ANAPC1: variants seen among roughly 807,000 people sequenced by gnomAD.
ANAPC1 encodes anaphase-promoting complex subunit 1.
Under a neutral mutation model 208.0 loss-of-function variants are expected in ANAPC1, and 36 were observed. That is an observed-to-expected ratio of 0.17 (90% CI 0.13 to 0.23). The LOEUF (loss-of-function observed/expected upper bound fraction) is 0.23. ANAPC1 is among the 10% of genes least tolerant of loss of function. The pLI, the probability that ANAPC1 is intolerant of heterozygous loss-of-function variation, is 1.00. For synonymous variants in ANAPC1, 378 were observed against 695.2 expected (o/e 0.54, Z 7.18); for missense variants, 942 against 2,011.6 (o/e 0.47, Z 10.17).
chr2:111,879,521 T>C (rs1446205389), intron 2 of ANAPC1, among the ~76,000 whole-genome samples: 1 of 152,210 alleles, frequency 6.6e-6, no homozygotes, highest in East Asian at 1.9e-4. Context: ...GACAATGGAA[T>C]AAGGCAGGAG....
rs1355444037 is a variant in ANAPC1 at position 111,829,700 on chromosome 2, A to C, written c.2625+1586T>G. Among the ~76,000 whole-genome samples the C allele has an allele frequency of 2.7e-5, 4 of 148,818 alleles. No homozygotes were observed. The South Asian group carries it at 8.6e-4, about 32-fold the overall frequency. Reference sequence around the variant, plus strand: ...CAGCTAGAGGTAAACAAAAAATAATAAAAATAAATAAAGAAGTGTTTCTTG... The same window carrying C: ...CAGCTAGAGGTAAACAAAAAATAATCAAAATAAATAAAGAAGTGTTTCTTG... On this transcript the variant is annotated intron_variant, in intron 21 of 47. Coordinates refer to ENST00000341068, the MANE Select transcript of ANAPC1 (RefSeq NM_022662.4).
At chr2:111,869,829 G>A (rs1463371542) in intron 6 of ANAPC1, among the ~76,000 whole-genome samples, 5 of 152,154 alleles carry the variant, frequency 3.3e-5, no homozygotes, top group African/African-American at 1.2e-4. Context: ...AGTGTATGTT[G>A]TATGCAATAT....
intron 38 of ANAPC1, among the ~76,000 whole-genome samples, chr2:111,789,070 G>A (rs1270804858): frequency 6.6e-6 from 1 of 152,220 alleles, no homozygotes; most frequent in African/African-American, 2.4e-5. Context: ...CCCGGGAGGC[G>A]GAGCTTGCAG....
chr2:111,781,668 G>GCCC (rs1393348297), intron 43 of ANAPC1, among the ~76,000 whole-genome samples: 1 of 152,226 alleles, frequency 6.6e-6, no homozygotes, highest in Non-Finnish European at 1.5e-5. Flanking sequence ...TGTATCACCA[G>GCCC]CAGGGACACA....
At chr2:111,835,946 GGTCAAGAACTCAT>G (rs200724889) in intron 18 of ANAPC1, among the ~76,000 whole-genome samples, 4,405 of 152,190 alleles carry the variant, frequency 0.029, 143 homozygotes, top group African/African-American at 0.07. Context: ...GGGAAAATAT[GGTCAAGAACTCAT>G]GTCTAGAACA....
intron 19 of ANAPC1, among the ~76,000 whole-genome samples, chr2:111,834,317 G>T (rs72823447): frequency 5.3e-5 from 8 of 152,162 alleles, no homozygotes; most frequent in Non-Finnish European, 1.0e-4. Flanking sequence ...CCGCAGTATA[G>T]CCAGTCAGTC....
At chr2:111,815,192 G>C (rs1241117754) in intron 28 of ANAPC1, among the ~76,000 whole-genome samples, 178 bp downstream of exon 28, 1 of 138,078 alleles carries the variant, frequency 7.2e-6, no homozygotes, top group Non-Finnish European at 1.5e-5. Context: ...TAATTAAATG[G>C]CTTTGACCAG....
Position 111,857,890 on chromosome 2 carries a change from T to C in ANAPC1, c.1358+416A>G, listed in dbSNP as rs188536269. Among the ~76,000 whole-genome samples, 108 of 152,274 alleles carry C rather than the reference T, an allele frequency of 7.1e-4. 1 individual carries two copies. The highest frequency in any genetic ancestry group is 2.4e-3 in the African/African-American group (100 of 41,558). ...GCAATAGGTATGAAATAATGATACA[T>C]GTTACAAAATGGTGGATCCTAAAAA... On this transcript the variant is annotated intron_variant, in intron 11 of 47. Coordinates refer to ENST00000341068, the MANE Select transcript of ANAPC1 (RefSeq NM_022662.4).
At chr2:111,831,263 G>A in intron 21 of ANAPC1, 23 bp downstream of exon 21, 2 of 1,569,092 alleles carry the variant, frequency 1.3e-6, no homozygotes. Flanking sequence ...AAGGAGATAG[G>A]TAGTAACACT....
chr2:111,824,089 C>T (rs1214131679), intron 24 of ANAPC1, among the ~76,000 whole-genome samples: 1 of 150,316 alleles, frequency 6.7e-6, no homozygotes, highest in African/African-American at 2.4e-5. Flanking sequence ...AGTCGATTAA[C>T]TATTGAGGCA....
intron 19 of ANAPC1, among the ~76,000 whole-genome samples, chr2:111,833,684 A>AAAAAAAAAAAAAC (rs1455961847): frequency 6.7e-6 from 1 of 150,080 alleles, no homozygotes; most frequent in Admixed American, 6.6e-5. Context: ...AAATATGTAA[A>AAAAAAAAAAAAAC]AAAAAAAAAA....
chr2:111,874,300 T>G (rs1417703085), intron 3 of ANAPC1, among the ~76,000 whole-genome samples: 1 of 152,208 alleles, frequency 6.6e-6, no homozygotes, highest in East Asian at 1.9e-4. Context: ...AATTTTTAAG[T>G]AGACAATTCA....
At chr2:111,871,522 G>A (rs1682744414) in intron 6 of ANAPC1, among the ~76,000 whole-genome samples, 1 of 152,154 alleles carries the variant, frequency 6.6e-6, no homozygotes, top group African/African-American at 2.4e-5. Flanking sequence ...AGGCCAAGGT[G>A]GGTGGATCAC....
intron 10 of ANAPC1, among the ~76,000 whole-genome samples, chr2:111,859,465 C>T (rs1681933543): frequency 6.6e-6 from 1 of 150,958 alleles, no homozygotes; most frequent in Admixed American, 6.6e-5. Flanking sequence ...GAGCGAAACT[C>T]TATCTCAATA....
In ANAPC1 at chr2:111,862,119, G is replaced by A. The variant is rs1368208202; in HGVS notation, c.1262+270C>T. 2.0e-5 allele frequency among the ~76,000 whole-genome samples: 3 copies of A among 150,646 alleles called. No individual in the cohort carries two copies. In the East Asian group the frequency reaches 5.9e-4, roughly 29 times the overall value. Reference sequence around the variant, plus strand: ...GGGTTTCACAATGTTGGCCAGGCTGGTCTCGAACTCCTAGGCTCAAGTGAT... The same window carrying A: ...GGGTTTCACAATGTTGGCCAGGCTGATCTCGAACTCCTAGGCTCAAGTGAT... On this transcript the variant is annotated intron_variant, in intron 10 of 47. Transcript: ENST00000341068.
intron 13 of ANAPC1, among the ~76,000 whole-genome samples, chr2:111,854,584 C>G (rs1198507639): frequency 6.6e-6 from 1 of 152,186 alleles, no homozygotes; most frequent in Non-Finnish European, 1.5e-5. Context: ...TTAGTGTAGC[C>G]ACCTGCATCA....
intron 20 of ANAPC1, among the ~76,000 whole-genome samples, chr2:111,832,937 CAAAAAA>C (rs908553180): frequency 1.9e-5 from 1 of 53,628 alleles, no homozygotes; most frequent in African/African-American, 6.4e-5. Flanking sequence ...GACTCAGTCT[CAAAAAA>C]AAAAAAAAAA....
At chr2:111,783,730 T>C (rs1292084112) in intron 42 of ANAPC1, among the ~76,000 whole-genome samples, 167 bp downstream of exon 42, 1 of 152,306 alleles carries the variant, frequency 6.6e-6, no homozygotes, top group Non-Finnish European at 1.5e-5. Context: ...ACACAAGTCC[T>C]GTTTCAAAGA....
At chr2:111,853,878 G>A (rs1170571045) in intron 13 of ANAPC1, among the ~76,000 whole-genome samples, 2 of 151,882 alleles carry the variant, frequency 1.3e-5, no homozygotes, top group African/African-American at 4.8e-5. Flanking sequence ...CACCACGCCC[G>A]GCTAATTTTT....
Sources: gnomAD v4.1 joint callset for allele counts (sites outside exome capture counted in the v4.1 genomes callset) on GRCh38, gnomAD v4.1.1 for gene constraint, MANE v1.5 for transcripts, NCBI Gene and HGNC (gene_info 2026-07-23, HGNC 2026-07-21) for gene names.